MAF: variants seen among roughly 807,000 people sequenced by gnomAD.
MAF encodes MAF bZIP transcription factor.
MAF carries 10 observed loss-of-function variants against 22.0 expected under a neutral mutation model. The observed-to-expected ratio is 0.45, with a 90% confidence interval of 0.28 to 0.77. MAF has a LOEUF of 0.77. Ranked by LOEUF, MAF falls within the 30% of genes least tolerant of loss-of-function variation. The pLI is 0.12. For missense variants in MAF, 544 were observed against 548.4 expected (o/e 0.99, Z 0.08); for synonymous variants, 337 against 255.8 (o/e 1.32, Z -3.03).
the MAF span, among the ~76,000 whole-genome samples, chr16:79,579,420 C>A: frequency 6.6e-6 from 1 of 152,108 alleles, no homozygotes; most frequent in African/African-American, 2.4e-5. Flanking sequence ...ATTGCCTCTA[C>A]CATACAAGCC....
the MAF span, among the ~76,000 whole-genome samples, chr16:79,407,031 A>C: frequency 6.6e-6 from 1 of 152,106 alleles, no homozygotes; most frequent in Non-Finnish European, 1.5e-5. Context: ...AGAAGCACCT[A>C]ACTTCTCCCG....
At chr16:79,542,199 G>C in the MAF span, among the ~76,000 whole-genome samples, 5 of 152,160 alleles carry the variant, frequency 3.3e-5, no homozygotes, top group Non-Finnish European at 7.3e-5. Context: ...GAAGAGGGGA[G>C]CGAATGGGAA....
At chr16:79,376,716 C>A in the MAF span, among the ~76,000 whole-genome samples, 1 of 152,094 alleles carries the variant, frequency 6.6e-6, no homozygotes, top group South Asian at 2.1e-4. Flanking sequence ...TGTGATGTTC[C>A]CCTTCCTGTG....
At chr16:79,430,911 C>T in the MAF span, among the ~76,000 whole-genome samples, 34 of 152,268 alleles carry the variant, frequency 2.2e-4, no homozygotes, top group Middle Eastern at 3.4e-3. Flanking sequence ...TAAGTATATC[C>T]AAGAACTTGG....
chr16:79,233,647 C>A, the MAF span, among the ~76,000 whole-genome samples: 1 of 152,026 alleles, frequency 6.6e-6, no homozygotes, highest in African/African-American at 2.4e-5. Context: ...GTTAAAACTT[C>A]CCATGGGATG....
chr16:79,212,210 A>G, the MAF span: 11 of 1,440,738 alleles, frequency 7.6e-6, no homozygotes, highest in Non-Finnish European at 9.1e-6. Flanking sequence ...CTTAGGGAAG[A>G]AAAAGCAAGT....
the MAF span, among the ~76,000 whole-genome samples, chr16:79,518,127 C>T: frequency 2.6e-5 from 4 of 152,180 alleles, no homozygotes; most frequent in South Asian, 2.1e-4. Context: ...TATGACACAG[C>T]CCACAGTATC....
chr16:79,385,778 G>A, the MAF span, among the ~76,000 whole-genome samples: 1 of 152,162 alleles, frequency 6.6e-6, no homozygotes, highest in African/African-American at 2.4e-5. Flanking sequence ...GTACACGCCT[G>A]TAATCCCAGC....
chr16:79,420,480 T>A, the MAF span, among the ~76,000 whole-genome samples: 1 of 152,194 alleles, frequency 6.6e-6, no homozygotes, highest in Admixed American at 6.5e-5. Flanking sequence ...TTTTAGAGAA[T>A]GTTTAGGTTC....
the MAF span, among the ~76,000 whole-genome samples, chr16:79,287,353 G>A: frequency 4.9e-4 from 74 of 152,282 alleles, no homozygotes; most frequent in African/African-American, 1.5e-3. Flanking sequence ...GCCTTGAGAG[G>A]GTCTCATTCT....
At chr16:79,352,633 A>T in the MAF span, among the ~76,000 whole-genome samples, 24,972 of 152,196 alleles carry the variant, frequency 0.16, 4,769 homozygotes, top group African/African-American at 0.46. Context: ...ATGCCCAAGA[A>T]CCCTCAGCTA....
At chr16:79,433,809 C>T in the MAF span, among the ~76,000 whole-genome samples, 7 of 152,058 alleles carry the variant, frequency 4.6e-5, no homozygotes, top group African/African-American at 9.7e-5. Flanking sequence ...AGGAATTCTA[C>T]GTTTGATTAA....
the MAF span, among the ~76,000 whole-genome samples, chr16:79,500,929 G>A: frequency 2.0e-5 from 3 of 152,038 alleles, no homozygotes; most frequent in Non-Finnish European, 2.9e-5. Context: ...AAAATTCACC[G>A]CCATATTTTT....
At chr16:79,236,101 G>C in the MAF span, among the ~76,000 whole-genome samples, 2 of 152,052 alleles carry the variant, frequency 1.3e-5, no homozygotes, top group Non-Finnish European at 1.5e-5. Flanking sequence ...TGGGCCTCTG[G>C]AGTGGGCTTC....
At chr16:79,363,415 T>C in the MAF span, among the ~76,000 whole-genome samples, 2 of 152,352 alleles carry the variant, frequency 1.3e-5, no homozygotes, top group East Asian at 3.9e-4. Flanking sequence ...AACACTTCAA[T>C]TAGCCTACAG....
At chr16:79,299,150 C>G in the MAF span, among the ~76,000 whole-genome samples, 16 of 152,016 alleles carry the variant, frequency 1.1e-4, no homozygotes, top group Non-Finnish European at 2.1e-4. Context: ...TTTATACAGC[C>G]CTGTTTAGAC....
the MAF span, among the ~76,000 whole-genome samples, chr16:79,390,856 G>C: frequency 3.3e-5 from 5 of 152,296 alleles, no homozygotes; most frequent in South Asian, 1.0e-3. Flanking sequence ...GCTAGGAAAG[G>C]GTTTGCTCAC....
the MAF span, among the ~76,000 whole-genome samples, chr16:79,463,102 C>A: frequency 6.6e-6 from 1 of 152,072 alleles, no homozygotes; most frequent in Admixed American, 6.5e-5. Flanking sequence ...CCAGCCGAGG[C>A]AGAAGGAAAA....
the MAF span, among the ~76,000 whole-genome samples, chr16:79,570,013 T>C: frequency 3.0e-5 from 1 of 33,442 alleles, no homozygotes; most frequent in South Asian, 9.4e-4. Flanking sequence ...TCTTTGTTCT[T>C]TTTTTTTTTT....
Sources: gnomAD v4.1 joint callset for allele counts (sites outside exome capture counted in the v4.1 genomes callset) on GRCh38, gnomAD v4.1.1 for gene constraint, MANE v1.5 for transcripts, NCBI Gene and HGNC (gene_info 2026-07-23, HGNC 2026-07-21) for gene names.